The following PLIN4 variants were observed in gnomAD, a reference collection of about 807,000 sequenced individuals.
The protein encoded by PLIN4 is perilipin-4.
PLIN4 carries 57 observed loss-of-function variants against 52.4 expected under a neutral mutation model. The ratio of observed to expected loss-of-function variants is 1.09; its 90% CI spans 0.88 to 1.36. The LOEUF (loss-of-function observed/expected upper bound fraction) is 1.36, where lower values mean the gene tolerates loss of function less well. Ranked by LOEUF, PLIN4 falls within the 40% of genes most tolerant of loss-of-function variation. The probability of loss-of-function intolerance (pLI) is 0.00; values close to 1 mark genes in which losing one functional copy is unlikely to be tolerated. For synonymous variants in PLIN4, 826 were observed against 785.4 expected, an observed-to-expected ratio of 1.05 and a Z score of -0.86; for missense variants, 1,757 against 1,770.3, an observed-to-expected ratio of 0.99 and a Z score of 0.13.
intron 2 of PLIN4, among the ~76,000 whole-genome samples, chr19:4,517,912 C>G (rs555163465): frequency 6.6e-6 from 1 of 152,248 alleles, no homozygotes; most frequent in East Asian, 1.9e-4. Context: ...ATCGTCTACC[C>G]GATCTCCAAA....
intron 4 of PLIN4, among the ~76,000 whole-genome samples, chr19:4,515,762 A>G (rs1378299720): frequency 6.6e-6 from 1 of 152,118 alleles, no homozygotes; most frequent in Non-Finnish European, 1.5e-5. Context: ...TCCAACCCCA[A>G]ATATCCACAG....
chr19:4,517,983 G>A (rs113776226), intron 2 of PLIN4, among the ~76,000 whole-genome samples: 2,012 of 152,328 alleles, frequency 0.013, 58 homozygotes, highest in African/African-American at 0.046. Flanking sequence ...AGAGAGGGGC[G>A]GAGCTGAGGC....
chr19:4,504,768 A>G lies in PLIN4; in HGVS notation c.3807T>C (p.Val1269=). Residue 1269 remains valine, a synonymous_variant, in exon 8 of 8, where the codon GTT becomes GTC. Coordinates refer to ENST00000301286, the MANE Select transcript of PLIN4 (RefSeq NM_001367868.2). ...AAVQEERDAG[V]LSRVCGLLRQ... ...GGAGAAGGCCGCAGACCCTGGACAG[A>G]ACCCCGGCATCCCGCTCCTGTGGGA... 1 of 1,599,992 alleles carries G rather than the reference A, an allele frequency of 6.3e-7. No individual in the cohort carries two copies. Among genetic ancestry groups the G allele is most frequent in the Non-Finnish European group, 8.5e-7 (1 of 1,172,328 alleles).
Position 4,512,481 on chromosome 19 carries a change from A to C in PLIN4, c.1479T>G (p.Ser493=), listed in dbSNP as rs771769658. The part of the protein sequence containing the change: ...AVQGGLDTTK[S]VLTGTKDAVS... ...CAGCATCTTTAGTGCCAGTCAGGAC[A>C]GACTTTGTAGTGTCCAGGCCGCCCT... The change falls in exon 5 of 8, where the codon TCT becomes TCG. Residue 493 remains serine (S), a synonymous_variant. Transcript: ENST00000301286. 7.5e-6 allele frequency: 12 copies of C among 1,605,140 alleles called. No homozygotes were observed. The highest frequency in any genetic ancestry group is 1.7e-5 in the Admixed American group (1 of 59,464).
rs771851685 is a variant in PLIN4, at chr19:4,512,691, G to A, written c.1269C>T (p.Asn423=). 2.6e-6 allele frequency: 4 copies of A among 1,554,566 alleles called. 1 individual carries two copies. The African/African-American group carries it at 6.2e-5, about 24-fold the overall frequency. The change falls in exon 5 of 8, where the codon AAC becomes AAT. Residue 423 remains asparagine (N), a synonymous_variant. Transcript: ENST00000301286. ...TACCTGTTGCGATATTTTGGGTTGT[G>A]TTCAGCCCAGTTTGCATGGCCCCCT... ...VAKGAMQTGL[N]TTQNIATGTK...
intron 3 of PLIN4, 118 bp downstream of exon 3, chr19:4,517,436 A>G: frequency 7.8e-7 from 1 of 1,275,970 alleles, no homozygotes; most frequent in African/African-American, 1.5e-5. Flanking sequence ...GTCTGATGAG[A>G]GCACACAGAC....
chr19:4,509,026 AG>A, intron 5 of PLIN4, 71 bp from the exon 6 acceptor site: 2 of 1,454,138 alleles, frequency 1.4e-6, no homozygotes, highest in Admixed American at 2.3e-5. Flanking sequence ...AAGTCAAGTG[AG>A]GGCCGGGCGC....
At chr19:4,517,306 C>T (rs181498962) in intron 3 of PLIN4, among the ~76,000 whole-genome samples, 327 of 76,110 alleles carry the variant, frequency 4.3e-3, no homozygotes, top group Non-Finnish European at 5.9e-3. Flanking sequence ...GGTGGGGGAA[C>T]GGCCGAGGGA....
intron 6 of PLIN4, among the ~76,000 whole-genome samples, chr19:4,505,449 C>A (rs1203654703): frequency 3.9e-5 from 6 of 152,230 alleles, no homozygotes; most frequent in African/African-American, 9.6e-5. Context: ...GGCCTCAGCT[C>A]CAGGTGACCC....
At chr19:4,516,253 C>G (rs754837781) in intron 4 of PLIN4, among the ~76,000 whole-genome samples, 1 of 152,188 alleles carries the variant, frequency 6.6e-6, no homozygotes, top group Non-Finnish European at 1.5e-5. Context: ...GCACTCCAGC[C>G]TGGGTGAAAC....
At chr19:4,509,470 T>G in intron 5 of PLIN4, among the ~76,000 whole-genome samples, 1 of 136,264 alleles carries the variant, frequency 7.3e-6, no homozygotes. Context: ...TATAAAATAA[T>G]AATAATTAGC....
rs889876421 is a variant in PLIN4, at chr19:4,511,159, C to T, written c.2801G>A (p.Gly934Glu). The T allele has an allele frequency of 6.2e-7, 1 of 1,610,750 alleles. No homozygotes were observed. The highest frequency in any genetic ancestry group is 2.2e-5 in the East Asian group (1 of 44,718). Residue 934 changes from glycine (G) to glutamate (E), a missense_variant, in exon 5 of 8, where the codon GGA becomes GAA. Transcript: ENST00000301286. ...GGCCACATTTACGGCACCAGTGACT[C>T]CACTGCAGACGGTGTCCTTGGTACC... ...LTGTKDTVCS[G>E]VTGAVNVAKG...
intron 6 of PLIN4, among the ~76,000 whole-genome samples, chr19:4,508,115 G>A (rs543076128): frequency 4.6e-5 from 7 of 152,240 alleles, no homozygotes; most frequent in South Asian, 2.1e-4. Context: ...CTTGCTCCCC[G>A]GTAGCTTGCT....
In PLIN4 at chr19:4,512,159, C is replaced by T. The variant is rs772421845; in HGVS notation, c.1801G>A (p.Val601Met). ...ACTGCCCCCACGAGCCCAGTAGTCA[C>T]TGTGTCCTTGGTGCCGGTCAGCACG... ...KTVLTGTKDT[V>M]TTGLVGAVNV... Residue 601 changes from valine to methionine, a missense_variant, in exon 5 of 8, where the codon GTG (valine) becomes ATG (methionine). Val to Met is a conservative substitution (Grantham distance 21). Transcript: ENST00000301286. 6.2e-7 allele frequency: 1 copy of T among 1,610,718 alleles called. No individual in the cohort carries two copies. The highest frequency in any genetic ancestry group is 8.5e-7 in the Non-Finnish European group (1 of 1,179,220).
Position 4,512,243 on chromosome 19 carries a change from T to C in PLIN4, c.1717A>G (p.Thr573Ala). Residue 573 changes from threonine to alanine, a missense_variant, in exon 5 of 8, where the codon ACG (threonine) becomes GCG (alanine). Thr to Ala is a moderately conservative substitution (Grantham distance 58). This residue lies in a region of PLIN4 where 439 missense variants were observed against 406.4 expected (regional missense o/e 1.08). Transcript: ENST00000301286. ...GTKDTMSTGLTGAANVAKGAV... is the reference protein window; with the variant it reads ...GTKDTMSTGLAGAANVAKGAV... ...CCCTTGGCCACATTCGCTGCCCCCG[T>C]GAGCCCAGTGGACATCGTGTCTTTT... is the stretch of plus-strand genomic sequence containing the variant. 6 of 1,612,940 alleles carry C rather than the reference T, an allele frequency of 3.7e-6. No homozygotes were observed. The highest frequency in any genetic ancestry group is 5.1e-6 in the Non-Finnish European group (6 of 1,179,792).
intron 4 of PLIN4, 83 bp from the exon 5 acceptor site, chr19:4,513,784 T>C: frequency 6.8e-7 from 1 of 1,463,114 alleles, no homozygotes; most frequent in Non-Finnish European, 9.0e-7. Flanking sequence ...AGCCCCCTAG[T>C]GTGCTTTGGG....
At position 4,510,537 on chromosome 19, in the gene PLIN4, G is replaced by T. The variant is rs761574016; in HGVS notation, c.3423C>A (p.His1141Gln). The T allele has an allele frequency of 5.4e-6, 8 of 1,492,694 alleles. No homozygotes were observed. The highest frequency in any genetic ancestry group is 7.1e-6 in the Non-Finnish European group (8 of 1,121,470). 92.5% of individuals were successfully genotyped at this position (1,492,694 alleles called of 1,614,324 possible). A position where few individuals can be genotyped will look rare whatever the true frequency, so the allele number is the denominator to read the frequency against. Residue 1141 changes from histidine to glutamine, a missense_variant, in exon 5 of 8, where the codon CAC becomes CAA. Coordinates refer to ENST00000301286, the MANE Select transcript of PLIN4 (RefSeq NM_001367868.2). ...REDTGLLATT[H>Q]GPEEAPRLAM... ...CCAAGCGTGGGGCTTCTTCGGGGCCGTGTGTGGTGGCCAAAAGCCCCGTGT... is the reference window on the plus strand; with the variant it reads ...CCAAGCGTGGGGCTTCTTCGGGGCCTTGTGTGGTGGCCAAAAGCCCCGTGT...
In PLIN4 at chr19:4,513,669, G is replaced by A; in HGVS notation, c.291C>T (p.Ser97=). The change falls in exon 5 of 8, where the codon TCC becomes TCT. Residue 97 remains serine, a synonymous_variant. Coordinates refer to ENST00000301286, the MANE Select transcript of PLIN4 (RefSeq NM_001367868.2). ...CGGCATCCTTGGCCCTGGACATCTT[G>A]GAACACACCAGGTCTTTGGCCCCGG... ...MVSGAKDLVC[S]KMSRAKDAVS... is the part of the protein sequence containing the mutation. 6.3e-7 allele frequency: 1 copy of A among 1,597,838 alleles called. No individual in the cohort carries two copies. Among genetic ancestry groups the A allele is most frequent in the South Asian group, 1.1e-5 (1 of 88,762 alleles).
At chr19:4,513,871 G>C (rs1976514657) in intron 4 of PLIN4, among the ~76,000 whole-genome samples, 170 bp from the exon 5 acceptor site, 1 of 152,218 alleles carries the variant, frequency 6.6e-6, no homozygotes, top group African/African-American at 2.4e-5. Flanking sequence ...ACCCCGGTCA[G>C]CCAGACATTC....
Sources: allele counts gnomAD v4.1 joint callset (sites outside exome capture counted in the v4.1 genomes callset), GRCh38; gene constraint gnomAD v4.1.1; regional missense constraint gnomAD v4.1.1; transcripts MANE v1.5; gene names NCBI Gene and HGNC (gene_info 2026-07-23, HGNC 2026-07-21).